Variants in TMEM178B observed in about 807,000 individuals in gnomAD.
TMEM178B encodes transmembrane protein 178B.
In TMEM178B, 5 loss-of-function variants were observed where a neutral mutation model predicts 31.0. That is an observed-to-expected ratio of 0.16 (90% CI 0.08 to 0.34). The LOEUF (loss-of-function observed/expected upper bound fraction) is 0.34. Among genes scored for constraint, TMEM178B ranks in the 10% least tolerant of loss-of-function variants. The probability of loss-of-function intolerance (pLI) is 1.00; values close to 1 mark genes in which losing one functional copy is unlikely to be tolerated. For synonymous variants in TMEM178B, 164 were observed against 164.0 expected, an observed-to-expected ratio of 1.00 and a Z score of 0.00; for missense variants, 275 against 400.3, an observed-to-expected ratio of 0.69 and a Z score of 2.67.
chr7:141,357,919 G>A (rs1936243251), intron 2 of TMEM178B, among the ~76,000 whole-genome samples: 3 of 152,174 alleles, frequency 2.0e-5, no homozygotes, highest in Non-Finnish European at 2.9e-5. Context: ...GTGCAAAACA[G>A]GTGAAGAATC....
At chr7:141,400,032 A>C (rs1377155705) in intron 2 of TMEM178B, among the ~76,000 whole-genome samples, 1 of 152,214 alleles carries the variant, frequency 6.6e-6, no homozygotes, top group African/African-American at 2.4e-5. Flanking sequence ...CTGGGAACAC[A>C]AAGATAAATA....
chr7:141,410,381 C>T (rs1056816171), intron 2 of TMEM178B, among the ~76,000 whole-genome samples: 2 of 152,090 alleles, frequency 1.3e-5, no homozygotes, highest in Non-Finnish European at 2.9e-5. Flanking sequence ...GGCTACTTCC[C>T]TTGAGACTGT....
intron 3 of TMEM178B, among the ~76,000 whole-genome samples, chr7:141,455,103 C>A (rs1231229702): frequency 1.3e-5 from 2 of 152,172 alleles, no homozygotes; most frequent in Non-Finnish European, 2.9e-5. Context: ...TGAGAAGCTA[C>A]AGGGATTCTC....
intron 2 of TMEM178B, among the ~76,000 whole-genome samples, chr7:141,406,682 A>G (rs1025246243): frequency 1.3e-5 from 2 of 152,226 alleles, no homozygotes; most frequent in African/African-American, 4.8e-5. Flanking sequence ...ACCAAAATAT[A>G]TCATATTCTA....
At chr7:141,388,360 G>A (rs1441428743) in intron 2 of TMEM178B, among the ~76,000 whole-genome samples, 7 of 152,094 alleles carry the variant, frequency 4.6e-5, no homozygotes, top group Non-Finnish European at 8.8e-5. Context: ...CAAAGAAGAC[G>A]GTCTCTAATA....
At chr7:141,287,976 GT>G (rs975105582) in intron 2 of TMEM178B, among the ~76,000 whole-genome samples, 80 of 152,110 alleles carry the variant, frequency 5.3e-4, no homozygotes, top group South Asian at 3.5e-3. Context: ...TTTCTTGCTT[GT>G]TTTTTTCCCC....
intron 3 of TMEM178B, among the ~76,000 whole-genome samples, chr7:141,468,693 C>T (rs1243410050): frequency 1.3e-5 from 2 of 152,192 alleles, no homozygotes; most frequent in African/African-American, 2.4e-5. Context: ...TGTCATCTCA[C>T]GCCAGGGAAC....
chr7:141,337,352 C>A (rs1350801344), intron 2 of TMEM178B, among the ~76,000 whole-genome samples: 1 of 149,636 alleles, frequency 6.7e-6, no homozygotes, highest in Non-Finnish European at 1.5e-5. Context: ...ACCACTACCC[C>A]ACTACCACCC....
chr7:141,366,857 C>T (rs988596834), intron 2 of TMEM178B, among the ~76,000 whole-genome samples: 10 of 152,028 alleles, frequency 6.6e-5, no homozygotes, highest in Admixed American at 2.6e-4. Context: ...TCAGGCTCTC[C>T]GGCCCACAGT....
chr7:141,178,230 G>A (rs1796464396), intron 1 of TMEM178B, among the ~76,000 whole-genome samples: 1 of 152,048 alleles, frequency 6.6e-6, no homozygotes, highest in Non-Finnish European at 1.5e-5. Context: ...TGACATTCTG[G>A]GTTGAAAATT....
chr7:141,119,751 G>A (rs1483839017), intron 1 of TMEM178B, among the ~76,000 whole-genome samples: 1 of 152,150 alleles, frequency 6.6e-6, no homozygotes, highest in African/African-American at 2.4e-5. Flanking sequence ...TTGAGAGAAG[G>A]CAATGAGGCC....
intron 2 of TMEM178B, among the ~76,000 whole-genome samples, chr7:141,267,907 G>A (rs1798119165): frequency 6.6e-6 from 1 of 152,200 alleles, no homozygotes; most frequent in Non-Finnish European, 1.5e-5. Context: ...CTTAGCAGAT[G>A]TTCCTTAAGT....
chr7:141,175,693 G>A (rs985635943), intron 1 of TMEM178B, among the ~76,000 whole-genome samples: 1 of 152,090 alleles, frequency 6.6e-6, no homozygotes, highest in Non-Finnish European at 1.5e-5. Flanking sequence ...TTGTAAGTTG[G>A]ATTCCTAGGT....
chr7:141,304,549 A>G (rs937229497), intron 2 of TMEM178B, among the ~76,000 whole-genome samples: 1 of 152,038 alleles, frequency 6.6e-6, no homozygotes, highest in African/African-American at 2.4e-5. Flanking sequence ...TTCTGCCACC[A>G]TGGCCACTGC....
chr7:141,176,339 G>A (rs1327633614), intron 1 of TMEM178B, among the ~76,000 whole-genome samples: 1 of 152,194 alleles, frequency 6.6e-6, no homozygotes, highest in African/African-American at 2.4e-5. Flanking sequence ...GCTTTCTGAT[G>A]TGCTGTTGGA....
At chr7:141,508,588 C>T in the TMEM178B span, among the ~76,000 whole-genome samples, 648 of 152,242 alleles carry the variant, frequency 4.3e-3, 2 homozygotes, top group Non-Finnish European at 6.8e-3. Flanking sequence ...AAACTGGTAA[C>T]AAAAAGGTTT....
chr7:141,326,865 T>C (rs956850754), intron 2 of TMEM178B, among the ~76,000 whole-genome samples: 1 of 152,196 alleles, frequency 6.6e-6, no homozygotes, highest in African/African-American at 2.4e-5. Context: ...TTGTCCGATA[T>C]GGTAGCCACT....
chr7:141,320,119 G>GCT (rs932262712), intron 2 of TMEM178B, among the ~76,000 whole-genome samples: 1 of 151,902 alleles, frequency 6.6e-6, no homozygotes, highest in African/African-American at 2.4e-5. Flanking sequence ...TCCCCTACAT[G>GCT]CTCTCTCTCT....
Position 141,150,848 on chromosome 7 carries a change from C to A in TMEM178B, c.383-61743C>A, listed in dbSNP as rs186569947. ...GGGTGGTTGATTACACAAAGGGATA[C>A]ACTTGGTGTAGACCTTGTATCCAGA... On this transcript the variant is annotated intron_variant, in intron 1 of 3. Coordinates refer to ENST00000565468, the MANE Select transcript of TMEM178B (RefSeq NM_001195278.2). Among the ~76,000 whole-genome samples, 92 of 152,288 alleles carry A rather than the reference C, an allele frequency of 6.0e-4. 1 individual carries two copies. Among genetic ancestry groups the A allele is most frequent in the African/African-American group, 2.1e-3 (86 of 41,568 alleles).
Sources: gnomAD v4.1 joint callset for allele counts (sites outside exome capture counted in the v4.1 genomes callset) on GRCh38, gnomAD v4.1.1 for gene constraint, MANE v1.5 for transcripts, NCBI Gene and HGNC (gene_info 2026-07-23, HGNC 2026-07-21) for gene names.